The following RAB2B variants were observed in gnomAD, a reference collection of about 807,000 sequenced individuals.
The protein encoded by RAB2B is RAB2B, member RAS oncogene family.
A neutral mutation model predicts 29.8 loss-of-function variants in RAB2B; 20 were observed. The observed-to-expected ratio is 0.67, with a 90% confidence interval of 0.47 to 0.97. RAB2B has a LOEUF of 0.97. RAB2B is among the 50% of genes least tolerant of loss of function. The pLI is 0.00. For synonymous variants in RAB2B, 93 were observed against 91.7 expected, an observed-to-expected ratio of 1.01 and a Z score of -0.08; for missense variants, 218 against 272.0, an observed-to-expected ratio of 0.80 and a Z score of 1.40.
At position 21,468,659 on chromosome 14, in the gene RAB2B, A is replaced by G. The variant is rs369654460; in HGVS notation, c.269+11T>C. The G allele has an allele frequency of 1.9e-6, 3 of 1,547,742 alleles. No homozygotes were observed. Among genetic ancestry groups the G allele is most frequent in the African/African-American group, 1.4e-5 (1 of 71,770 alleles). On this transcript the variant is annotated intron_variant, in intron 4 of 7. Transcript: ENST00000397762. ...GAAGAATCTCCCTCCCATGCACCAGATCTGGCTCACCTTGTAATGTCGTAC... is the reference window on the plus strand; with the variant it reads ...GAAGAATCTCCCTCCCATGCACCAGGTCTGGCTCACCTTGTAATGTCGTAC...
rs760447256 is a variant in RAB2B at position 21,476,638 on chromosome 14, G to A, written c.47-39C>T. The A allele has an allele frequency of 3.1e-6, 5 of 1,613,560 alleles. No individual in the cohort carries two copies. In the Admixed American group the frequency reaches 6.7e-5, roughly 22 times the overall value. ...CACACTCCCGGAATCACGCAGCCCT[G>A]GAACACCTTCCAGAGTATGGACTTC... On this transcript the variant is annotated intron_variant, in intron 1 of 7. Transcript: ENST00000397762.
At chr14:21,462,220 A>AG (rs1249448872) in intron 7 of RAB2B, 130 bp downstream of exon 7, 1 of 570,990 alleles carries the variant, frequency 1.8e-6, no homozygotes, top group Non-Finnish European at 2.7e-6. Context: ...AAAAAAAAAA[A>AG]GTGTTGAATT....
Position 21,462,437 on chromosome 14 carries a change from G to A in RAB2B, c.475-19C>T, listed in dbSNP as rs10143000. 1,486,426 of 1,600,378 alleles carry A rather than the reference G, an allele frequency of 0.93. 691,521 individuals carry two copies. The highest frequency in any genetic ancestry group is 0.98 in the African/African-American group (73,409 of 74,572). On this transcript the variant is annotated intron_variant, in intron 6 of 7. Coordinates refer to ENST00000397762, the MANE Select transcript of RAB2B (RefSeq NM_032846.4). Reference sequence around the variant, plus strand: ...TGAAGGCCTGAAAGAGACATAAATCGTATCATCAGTCTCAAGTTCAGGTAG... The same window carrying A: ...TGAAGGCCTGAAAGAGACATAAATCATATCATCAGTCTCAAGTTCAGGTAG...
intron 2 of RAB2B, 198 bp downstream of exon 2, chr14:21,476,330 T>G: frequency 1.7e-6 from 1 of 581,936 alleles, no homozygotes; most frequent in East Asian, 2.8e-5. Context: ...AAAGTTACCT[T>G]TCAATTATAT....
In RAB2B at chr14:21,474,856, T is replaced by A; in HGVS notation, c.186+11A>T. The A allele has an allele frequency of 1.2e-6, 2 of 1,610,238 alleles. No individual in the cohort carries two copies. Among genetic ancestry groups the A allele is most frequent in the South Asian group, 2.2e-5 (2 of 91,018 alleles). On this transcript the variant is annotated intron_variant, in intron 3 of 7. Coordinates refer to ENST00000397762, the MANE Select transcript of RAB2B (RefSeq NM_032846.4). ...ATATTGGTCAGAGACTAAATTATTT[T>A]GTACTCTCACCGTATCCCAGATTTG...
rs990604968 is a variant in RAB2B at position 21,460,025 on chromosome 14, T to G, written c.*1171A>C. The G allele has an allele frequency of 7.7e-6, 3 of 389,904 alleles. No individual in the cohort carries two copies. Among genetic ancestry groups the G allele is most frequent in the African/African-American group, 6.3e-5 (3 of 47,752 alleles). The allele number at this position is 389,904 out of a possible 1,614,324, so 24.2% of individuals were successfully genotyped here. On this transcript the variant is annotated 3_prime_UTR_variant, in exon 8 of 8. Coordinates refer to ENST00000397762, the MANE Select transcript of RAB2B (RefSeq NM_032846.4). ...ACCAACTTCACTGCTCTTAAAAGTT[T>G]TGAAGTTACACTAAGAGATAGAAGC...
intron 3 of RAB2B, among the ~76,000 whole-genome samples, chr14:21,472,335 C>T (rs1329904157): frequency 6.6e-6 from 1 of 152,064 alleles, no homozygotes; most frequent in East Asian, 1.9e-4. Context: ...ACAACAAAAA[C>T]CTTTGGACAA....
chr14:21,475,013 C>T, intron 2 of RAB2B, 79 bp from the exon 3 acceptor site: 1 of 1,102,336 alleles, frequency 9.1e-7, no homozygotes, highest in Non-Finnish European at 1.4e-6. Flanking sequence ...TGCCTTTCCT[C>T]AATGTGTTAT....
At chr14:21,470,758 A>C (rs1006696824) in intron 3 of RAB2B, among the ~76,000 whole-genome samples, 16 of 152,126 alleles carry the variant, frequency 1.1e-4, no homozygotes, top group African/African-American at 3.9e-4. Flanking sequence ...ACTAAAAGGG[A>C]AAGTTTGAGG....
Position 21,460,082 on chromosome 14 carries a change from C to A in RAB2B, c.*1114G>T. The A allele has an allele frequency of 2.0e-6, 1 of 509,032 alleles. No homozygotes were observed. 31.5% of individuals were successfully genotyped at this position (509,032 alleles called of 1,614,324 possible). ...TAGGATAGTAGAGAAGTACTCAGTG[C>A]TCTTGGGCAAGTAGAGGAAACTGCC... On this transcript the variant is annotated 3_prime_UTR_variant, in exon 8 of 8. Coordinates refer to ENST00000397762, the MANE Select transcript of RAB2B (RefSeq NM_032846.4).
chr14:21,466,312 C>T (rs1890686783), intron 5 of RAB2B, among the ~76,000 whole-genome samples: 1 of 152,104 alleles, frequency 6.6e-6, no homozygotes, highest in African/African-American at 2.4e-5. Flanking sequence ...TGGAGAAACC[C>T]CGTCTATACT....
In RAB2B at chr14:21,474,906, G is replaced by A. The variant is rs1347043174; in HGVS notation, c.147C>T (p.Asn49=). 4.3e-6 allele frequency: 7 copies of A among 1,613,898 alleles called. No homozygotes were observed. The highest frequency in any genetic ancestry group is 4.2e-6 in the Non-Finnish European group (5 of 1,179,954). Residue 49 remains asparagine (N), a synonymous_variant, in exon 3 of 8, where the codon AAC becomes AAT. Transcript: ENST00000397762. ...GCAGTTTGATTTGTTTTCCATCAAT[G>A]TTGACCATACGAGCTCCAAACTCCA... ...IGVEFGARMV[N]IDGKQIKLQI...
Position 21,476,593 on chromosome 14 carries a change from C to T in RAB2B, c.53G>A (p.Gly18Glu), listed in dbSNP as rs1296961036. 2.5e-6 allele frequency: 4 copies of T among 1,613,684 alleles called. No individual in the cohort carries two copies. The Admixed American group carries it at 5.0e-5, about 20-fold the overall frequency. ...KYIIIGDTGV[G>E]KSCLLLQFTD... ...AAACTGCAGGAGGAGACATGACTTC[C>T]CCACACCTGAAAGAGAAAGCACACT... The change falls in exon 2 of 8, where the codon GGG becomes GAG. Residue 18 changes from glycine to glutamate, a missense_variant. Transcript: ENST00000397762.
At chr14:21,469,815 TA>T (rs1890764284) in intron 3 of RAB2B, among the ~76,000 whole-genome samples, 2 of 152,164 alleles carry the variant, frequency 1.3e-5, no homozygotes, top group East Asian at 3.8e-4. Flanking sequence ...GTGGTAACAC[TA>T]ATTATAACAC....
intron 5 of RAB2B, 94 bp downstream of exon 5, chr14:21,468,259 CACTA>C: frequency 2.3e-6 from 2 of 864,860 alleles, no homozygotes; most frequent in Non-Finnish European, 3.5e-6. Flanking sequence ...TTTACTGAAA[CACTA>C]AGACCACTAT....
chr14:21,469,029 A>G (rs1377590482), intron 3 of RAB2B, among the ~76,000 whole-genome samples: 2 of 150,370 alleles, frequency 1.3e-5, no homozygotes, highest in Non-Finnish European at 3.0e-5. Context: ...CCTAGATCCC[A>G]GTCACTAAAT....
chr14:21,463,735 T>C lies in RAB2B; in HGVS notation c.395A>G (p.Glu132Gly). Residue 132 changes from glutamate to glycine, a missense_variant, in exon 6 of 8, where the codon GAA becomes GGA. Coordinates refer to ENST00000397762, the MANE Select transcript of RAB2B (RefSeq NM_032846.4). ...DLESRRDVKR[E>G]EGEAFAREHG... Reference sequence around the variant, plus strand: ...CTCCCTAGCAAAGGCCTCTCCTTCTTCTCTCTTCACATCCCTGCGGGACTC... The same window carrying C: ...CTCCCTAGCAAAGGCCTCTCCTTCTCCTCTCTTCACATCCCTGCGGGACTC... 3 of 1,613,802 alleles carry C rather than the reference T, an allele frequency of 1.9e-6. No homozygotes were observed. Among genetic ancestry groups the C allele is most frequent in the Non-Finnish European group, 2.5e-6 (3 of 1,179,768 alleles).
At chr14:21,468,537 A>AT in intron 4 of RAB2B, 88 bp from the exon 5 acceptor site, 1 of 1,350,118 alleles carries the variant, frequency 7.4e-7, no homozygotes, top group South Asian at 1.2e-5. Flanking sequence ...AGGGGAAGCC[A>AT]TACGTGTAAA....
chr14:21,474,118 G>A (rs1890887428), intron 3 of RAB2B, among the ~76,000 whole-genome samples: 1 of 152,212 alleles, frequency 6.6e-6, no homozygotes, highest in Non-Finnish European at 1.5e-5. Context: ...TTGAACCCAG[G>A]CGGTGGAGGT....
Sources: allele counts gnomAD v4.1 joint callset (sites outside exome capture counted in the v4.1 genomes callset), GRCh38; gene constraint gnomAD v4.1.1; transcripts MANE v1.5; gene names NCBI Gene and HGNC (gene_info 2026-07-23, HGNC 2026-07-21).